The following SPATA17 variants were observed in gnomAD, a reference collection of about 807,000 sequenced individuals.
The protein encoded by SPATA17 is spermatogenesis associated 17, also known as spermatogenesis-associated protein 17.
SPATA17 carries 53 observed loss-of-function variants against 62.2 expected under a neutral mutation model. The observed-to-expected ratio is 0.85, with a 90% CI of 0.68 to 1.07. The LOEUF (loss-of-function observed/expected upper bound fraction) is 1.07. Among genes scored for constraint, SPATA17 ranks in the 50% least tolerant of loss-of-function variants. The pLI is 0.00. For synonymous variants in SPATA17, 146 were observed against 146.8 expected, an observed-to-expected ratio of 0.99 and a Z score of 0.04; for missense variants, 466 against 425.5, an observed-to-expected ratio of 1.10 and a Z score of -0.84.
In SPATA17 at chr1:217,801,768, T is replaced by C; in HGVS notation, c.923T>C (p.Met308Thr). The stretch of plus-strand genomic sequence containing the variant: ...AAAAATGAAAAGTACATCCCATCAA[T>C]GCATTTATCAAGCAAGTATGGTCCT... ...YHKNEKYIPS[M>T]HLSSKYGPIS... Residue 308 changes from methionine (M) to threonine (T), a missense_variant, in exon 9 of 11, where the codon ATG (methionine) becomes ACG (threonine). Coordinates refer to ENST00000366933, the MANE Select transcript of SPATA17 (RefSeq NM_138796.4). The C allele has an allele frequency of 6.2e-7, 1 of 1,610,964 alleles. No individual in the cohort carries two copies. The highest frequency in any genetic ancestry group is 8.5e-7 in the Non-Finnish European group (1 of 1,178,806).
intron 5 of SPATA17, among the ~76,000 whole-genome samples, chr1:217,738,524 T>A (rs1323789482): frequency 6.6e-6 from 1 of 152,234 alleles, no homozygotes; most frequent in African/African-American, 2.4e-5. Context: ...ACTTATCTCA[T>A]CCTCACAATA....
At chr1:217,662,156 A>G (rs1670586135) in intron 3 of SPATA17, among the ~76,000 whole-genome samples, 1 of 152,098 alleles carries the variant, frequency 6.6e-6, no homozygotes, top group Non-Finnish European at 1.5e-5. Flanking sequence ...TTCCTTTTTT[A>G]TATTTTGTCA....
At position 217,683,308 on chromosome 1, in the gene SPATA17, T is replaced by C. The variant is rs1671141562; in HGVS notation, c.342T>C (p.Tyr114=). ...GYRVRKYLFN[Y]YYLKEYLKVV... is the part of the protein sequence containing the mutation. ...GGGTTCGGAAGTACCTCTTTAATTA[T>C]TATTATTTGAAAGAGTACCTGAAAG... The change falls in exon 5 of 11, where the codon TAT becomes TAC. Residue 114 remains tyrosine, a synonymous_variant. Transcript: ENST00000366933. 6.2e-7 allele frequency: 1 copy of C among 1,610,150 alleles called. No individual in the cohort carries two copies. Among genetic ancestry groups the C allele is most frequent in the South Asian group, 1.1e-5 (1 of 90,462 alleles).
At chr1:217,852,922 C>T (rs1675697280) in intron 9 of SPATA17, among the ~76,000 whole-genome samples, 1 of 152,088 alleles carries the variant, frequency 6.6e-6, no homozygotes, top group Non-Finnish European at 1.5e-5. Context: ...TTCTCCACTA[C>T]CCTGTCTTAT....
intron 5 of SPATA17, among the ~76,000 whole-genome samples, chr1:217,733,108 G>A (rs902570896): frequency 3.3e-5 from 5 of 152,014 alleles, no homozygotes; most frequent in Admixed American, 6.6e-5. Flanking sequence ...TAGAGCAATT[G>A]GACAATCCCT....
chr1:217,837,924 T>C (rs1675299112), intron 9 of SPATA17, among the ~76,000 whole-genome samples: 1 of 152,158 alleles, frequency 6.6e-6, no homozygotes, highest in Non-Finnish European at 1.5e-5. Flanking sequence ...ACACATTCTG[T>C]GTGGTCAGGT....
rs1457400470 is a variant in SPATA17 at position 217,868,042 on chromosome 1, A to G, written c.*1023A>G. The G allele has an allele frequency of 6.6e-6, 1 of 152,254 alleles. No individual in the cohort carries two copies. The highest frequency in any genetic ancestry group is 1.5e-5 in the Non-Finnish European group (1 of 68,002). 9.4% of individuals were successfully genotyped at this position (152,254 alleles called of 1,614,324 possible). On this transcript the variant is annotated 3_prime_UTR_variant, in exon 11 of 11. Transcript: ENST00000366933. The stretch of plus-strand genomic sequence containing the variant: ...ACAAATAAATTACAAAACTGAGGGG[A>G]AAAAAAGGAACCTATTAAAAAGACA...
rs989879953 is a variant in SPATA17 at position 217,687,594 on chromosome 1, C to T, written c.395+4233C>T. 3.9e-5 allele frequency among the ~76,000 whole-genome samples: 6 copies of T among 152,226 alleles called. No individual in the cohort carries two copies. The South Asian group carries it at 6.2e-4, about 16-fold the overall frequency. On this transcript the variant is annotated intron_variant, in intron 5 of 10. Coordinates refer to ENST00000366933, the MANE Select transcript of SPATA17 (RefSeq NM_138796.4). Reference sequence around the variant, plus strand: ...TTGTATTACAATTACATATAGTATTCGGTACAGCATCATGCTGTACAGGTT... The same window carrying T: ...TTGTATTACAATTACATATAGTATTTGGTACAGCATCATGCTGTACAGGTT...
At chr1:217,689,160 T>G (rs1323752742) in intron 5 of SPATA17, among the ~76,000 whole-genome samples, 3 of 151,002 alleles carry the variant, frequency 2.0e-5, no homozygotes, top group Non-Finnish European at 4.4e-5. Context: ...TTATAGAGCT[T>G]AAAGCTTAGT....
intron 6 of SPATA17, among the ~76,000 whole-genome samples, chr1:217,771,939 A>C (rs1673458189): frequency 6.6e-6 from 1 of 152,190 alleles, no homozygotes. Context: ...ATTTTAATCT[A>C]GCTAAATTGT....
intron 5 of SPATA17, among the ~76,000 whole-genome samples, chr1:217,732,474 A>G (rs1571765470): frequency 6.6e-6 from 1 of 152,178 alleles, no homozygotes; most frequent in Non-Finnish European, 1.5e-5. Flanking sequence ...AATAAACAAG[A>G]TCATGAAACT....
chr1:217,832,601 A>G (rs1319618171), intron 9 of SPATA17, among the ~76,000 whole-genome samples: 1 of 152,130 alleles, frequency 6.6e-6, no homozygotes, highest in East Asian at 1.9e-4. Context: ...AAAGTAATCA[A>G]TAGTGGCTTT....
rs146019855 is a variant in SPATA17, at chr1:217,823,539, C to T, written c.1005+21689C>T. On this transcript the variant is annotated intron_variant, in intron 9 of 10. Coordinates refer to ENST00000366933, the MANE Select transcript of SPATA17 (RefSeq NM_138796.4). ...ACAAGGAAATGCCATGGGAAAAATG[C>T]TAACCACTACCCTCACTGGACTTGT... is the stretch of plus-strand genomic sequence containing the variant. Among the ~76,000 whole-genome samples, 251 of 152,064 alleles carry T rather than the reference C, an allele frequency of 1.7e-3. 1 individual carries two copies. The highest frequency in any genetic ancestry group is 3.9e-3 in the Admixed American group (60 of 15,252).
intron 9 of SPATA17, among the ~76,000 whole-genome samples, chr1:217,826,592 T>C (rs1675006877): frequency 6.6e-6 from 1 of 152,096 alleles, no homozygotes; most frequent in African/African-American, 2.4e-5. Flanking sequence ...TCCAGAATGA[T>C]TTTAAATAGT....
intron 5 of SPATA17, among the ~76,000 whole-genome samples, chr1:217,728,643 A>G (rs1214802940): frequency 1.3e-5 from 2 of 152,096 alleles, no homozygotes; most frequent in African/African-American, 4.8e-5. Context: ...GCATATTTTC[A>G]GTTTTTGATA....
intron 9 of SPATA17, among the ~76,000 whole-genome samples, chr1:217,855,729 A>ATTTTTTTT (rs3081687): frequency 4.7e-5 from 6 of 128,876 alleles, no homozygotes; most frequent in Non-Finnish European, 7.9e-5. Context: ...AGAAGGAACT[A>ATTTTTTTT]TTTTTTTTTT....
intron 8 of SPATA17, among the ~76,000 whole-genome samples, chr1:217,794,117 A>C (rs1282563041): frequency 2.9e-5 from 4 of 138,520 alleles, no homozygotes; most frequent in Non-Finnish European, 6.6e-5. Context: ...CTCCGTCACA[A>C]AAAAAAAAAA....
Position 217,696,911 on chromosome 1 carries a change from A to G in SPATA17, c.395+13550A>G, listed in dbSNP as rs1485953622. ...CAGATTTCTTTCCCACTCCTATGCC[A>G]TCAAATCTTCCGAACTCATCATATG... On this transcript the variant is annotated intron_variant, in intron 5 of 10. Coordinates refer to ENST00000366933, the MANE Select transcript of SPATA17 (RefSeq NM_138796.4). Among the ~76,000 whole-genome samples the G allele has an allele frequency of 3.9e-5, 6 of 152,198 alleles. 1 individual carries two copies. In the South Asian group the frequency reaches 1.2e-3, roughly 32 times the overall value.
chr1:217,813,839 CTCTAG>C (rs1420387545), intron 9 of SPATA17, among the ~76,000 whole-genome samples: 4 of 151,838 alleles, frequency 2.6e-5, no homozygotes, highest in African/African-American at 9.7e-5. Flanking sequence ...TATATGTATA[CTCTAG>C]TCTACTATGC....
Sources: gnomAD v4.1 joint callset for allele counts (sites outside exome capture counted in the v4.1 genomes callset) on GRCh38, gnomAD v4.1.1 for gene constraint, MANE v1.5 for transcripts, NCBI Gene and HGNC (gene_info 2026-07-23, HGNC 2026-07-21) for gene names.